Variants in ESRRG observed in about 807,000 individuals in gnomAD.
ESRRG encodes estrogen related receptor gamma.
In ESRRG, 13 loss-of-function variants were observed where a neutral mutation model predicts 44.0. The observed-to-expected ratio is 0.30, with a 90% CI of 0.19 to 0.47. ESRRG has a LOEUF of 0.47. Among genes scored for constraint, ESRRG ranks in the 20% least tolerant of loss-of-function variants. The pLI is 1.00. For synonymous variants in ESRRG, 215 were observed against 214.6 expected, an observed-to-expected ratio of 1.00 and a Z score of -0.02; for missense variants, 395 against 580.6, an observed-to-expected ratio of 0.68 and a Z score of 3.29.
At chr1:217,074,452 C>CCA (rs1553274510) in intron 1 of ESRRG, among the ~76,000 whole-genome samples, 139 of 138,542 alleles carry the variant, frequency 1.0e-3, no homozygotes, top group Middle Eastern at 3.8e-3. Context: ...CCACCCCCCC[C>CCA]AAAAAAAAAA....
chr1:216,700,124 CT>C (rs11464355), intron 1 of ESRRG, among the ~76,000 whole-genome samples: 42 of 147,128 alleles, frequency 2.9e-4, no homozygotes, highest in Non-Finnish European at 3.6e-4. Context: ...AGCCCCGCAC[CT>C]TTTTTTTTTT....
chr1:216,726,730 GTGTATGCATAGTTTCAA>G (rs1179449746), upstream of ESRRG, among the ~76,000 whole-genome samples: 3 of 152,242 alleles, frequency 2.0e-5, no homozygotes, highest in South Asian at 6.2e-4. Flanking sequence ...CAGGCTCTTG[GTGTATGCATAGTTTCAA>G]TCTCTTCTTC....
chr1:216,812,240 C>A (rs1197303169), intron 2 of ESRRG, among the ~76,000 whole-genome samples: 1 of 151,920 alleles, frequency 6.6e-6, no homozygotes, highest in Non-Finnish European at 1.5e-5. Flanking sequence ...ATTTTTTTAA[C>A]CTTGTCTGTT....
In ESRRG at chr1:216,906,816, A is replaced by T. The variant is rs80187488; in HGVS notation, c.-14+32766T>A. 2.1e-4 allele frequency among the ~76,000 whole-genome samples: 32 copies of T among 152,352 alleles called. 1 individual carries two copies. In the East Asian group the frequency reaches 6.2e-3, roughly 29 times the overall value. ...TTCTCTTTCTTAAAGAAGTAGTTCA[A>T]CACATTGGTTCCCTTTTTATTTTTG... On this transcript the variant is annotated intron_variant, in intron 2 of 7. Coordinates refer to the ESRRG transcript ENST00000359162.
intron 2 of ESRRG, among the ~76,000 whole-genome samples, chr1:216,800,762 C>G (rs1232503703): frequency 6.6e-6 from 1 of 152,122 alleles, no homozygotes; most frequent in Non-Finnish European, 1.5e-5. Context: ...TTGTCAAACT[C>G]ATCCCTACAT....
chr1:216,959,362 C>T (rs2068581719), intron 1 of ESRRG, among the ~76,000 whole-genome samples: 1 of 151,938 alleles, frequency 6.6e-6, no homozygotes. Context: ...ACACCTAAAA[C>T]TGTGCTCCCA....
rs75856587 is a variant in ESRRG at position 216,932,789 on chromosome 1, A to G, written c.-14+6793T>C. ...TGCTACATTATGCAGCCAGGTATCA[A>G]ACTCCTGGCCTCAAGCAATCCTCCC... On this transcript the variant is annotated intron_variant, in intron 2 of 7. Coordinates refer to the ESRRG transcript ENST00000359162. Among the ~76,000 whole-genome samples, 379 of 148,638 alleles carry G rather than the reference A, an allele frequency of 2.5e-3. 2 individuals carry two copies. The highest frequency in any genetic ancestry group is 4.0e-3 in the Non-Finnish European group (271 of 67,482).
chr1:216,573,308 C>A (rs2061151660), intron 3 of ESRRG, among the ~76,000 whole-genome samples: 1 of 151,846 alleles, frequency 6.6e-6, no homozygotes, highest in Non-Finnish European at 1.5e-5. Flanking sequence ...CAGAATGGTT[C>A]AATTCTTTGT....
chr1:216,699,741 C>T (rs1035358407), intron 1 of ESRRG, among the ~76,000 whole-genome samples: 1 of 152,102 alleles, frequency 6.6e-6, no homozygotes, highest in Non-Finnish European at 1.5e-5. Flanking sequence ...AGCTGGAAAA[C>T]CTTCAACACC....
At chr1:216,687,779 A>G (rs2078294127) in intron 1 of ESRRG, among the ~76,000 whole-genome samples, 1 of 152,254 alleles carries the variant, frequency 6.6e-6, no homozygotes, top group Admixed American at 6.5e-5. Context: ...CCAACAGAAC[A>G]GATATTTCTG....
chr1:216,792,029 A>T (rs921824597), intron 2 of ESRRG, among the ~76,000 whole-genome samples: 2 of 152,142 alleles, frequency 1.3e-5, no homozygotes, highest in East Asian at 3.8e-4. Flanking sequence ...TAAATCTCTA[A>T]GAAGAAGGGT....
intron 3 of ESRRG, among the ~76,000 whole-genome samples, chr1:216,590,030 T>C (rs2057389063): frequency 6.7e-6 from 1 of 149,782 alleles, no homozygotes; most frequent in Non-Finnish European, 1.5e-5. Context: ...TACTGCAAGA[T>C]AATAAAACTT....
At chr1:216,876,276 A>G (rs2096350848) in intron 2 of ESRRG, among the ~76,000 whole-genome samples, 1 of 152,238 alleles carries the variant, frequency 6.6e-6, no homozygotes, top group Admixed American at 6.5e-5. Flanking sequence ...AAATGTAAGT[A>G]CTACAAACAT....
rs11572715 is a variant in ESRRG, at chr1:216,649,752, G to A, written c.589+1221C>T. Among the ~76,000 whole-genome samples the A allele has an allele frequency of 5.7e-3, 867 of 152,166 alleles. 9 individuals are homozygous for A. Among genetic ancestry groups the A allele is most frequent in the African/African-American group, 0.02 (833 of 41,540 alleles). Reference sequence around the variant, plus strand: ...TCCTATTTGATAAGTGAAAGTCAGAGAAATACAATGTGAATTCCATATATC... The same window carrying A: ...TCCTATTTGATAAGTGAAAGTCAGAAAAATACAATGTGAATTCCATATATC... On this transcript the variant is annotated intron_variant, in intron 3 of 6. Transcript: ENST00000408911.
intron 2 of ESRRG, among the ~76,000 whole-genome samples, chr1:216,914,284 TTATTAG>T (rs1223202968): frequency 6.6e-6 from 1 of 152,190 alleles, no homozygotes; most frequent in Non-Finnish European, 1.5e-5. Context: ...TTCTGGTTTT[TTATTAG>T]TATTAGCAGC....
intron 1 of ESRRG, among the ~76,000 whole-genome samples, chr1:216,691,096 C>T (rs2078975484): frequency 6.6e-6 from 1 of 152,082 alleles, no homozygotes. Flanking sequence ...TGAGTAGTCA[C>T]AATGTGTCAG....
At chr1:217,083,684 C>T (rs2091909559) in intron 1 of ESRRG, among the ~76,000 whole-genome samples, 1 of 152,182 alleles carries the variant, frequency 6.6e-6, no homozygotes, top group Admixed American at 6.5e-5. Context: ...TGGGCCAAAG[C>T]ATCATCAGGT....
intron 1 of ESRRG, among the ~76,000 whole-genome samples, chr1:217,021,225 G>A (rs1412553973): frequency 6.6e-6 from 1 of 152,166 alleles, no homozygotes; most frequent in African/African-American, 2.4e-5. Context: ...GGGACTAGCT[G>A]GTTGCCCAGT....
intron 1 of ESRRG, among the ~76,000 whole-genome samples, chr1:216,704,498 C>A (rs1310118280): frequency 6.6e-6 from 1 of 151,778 alleles, no homozygotes; most frequent in Non-Finnish European, 1.5e-5. Flanking sequence ...GCCTGGGAGA[C>A]AAGAGCAAAA....
Sources: allele counts gnomAD v4.1 joint callset (sites outside exome capture counted in the v4.1 genomes callset), GRCh38; gene constraint gnomAD v4.1.1; transcripts MANE v1.5; gene names NCBI Gene and HGNC (gene_info 2026-07-23, HGNC 2026-07-21).